ARMC3: variants seen among roughly 807,000 people sequenced by gnomAD.
The protein encoded by ARMC3 is armadillo repeat-containing protein 3.
Under a neutral mutation model 90.3 loss-of-function variants are expected in ARMC3, and 74 were observed. The observed-to-expected ratio is 0.82, with a 90% CI of 0.68 to 0.99. The LOEUF is 0.99. Ranked by LOEUF, ARMC3 falls within the 50% of genes least tolerant of loss-of-function variation. The probability of loss-of-function intolerance (pLI) is 0.00; values close to 1 mark genes in which losing one functional copy is unlikely to be tolerated. For synonymous variants in ARMC3, 334 were observed against 361.8 expected (o/e 0.92, Z 0.87); for missense variants, 958 against 1,042.8 (o/e 0.92, Z 1.12).
chr10:22,930,878 G>A (rs1023519102), intron 1 of ARMC3, among the ~76,000 whole-genome samples: 1 of 151,984 alleles, frequency 6.6e-6, no homozygotes, highest in Admixed American at 6.5e-5. Flanking sequence ...TCTCACTGAA[G>A]AAAACTAGAT....
At chr10:22,987,793 T>C (rs1011143703) in intron 10 of ARMC3, among the ~76,000 whole-genome samples, 3 of 152,218 alleles carry the variant, frequency 2.0e-5, no homozygotes, top group Non-Finnish European at 2.9e-5. Context: ...TTATTTTTTA[T>C]TTTTTGTACC....
chr10:22,982,346 C>G (rs1836231170), intron 10 of ARMC3, among the ~76,000 whole-genome samples: 1 of 152,194 alleles, frequency 6.6e-6, no homozygotes, highest in Admixed American at 6.5e-5. Context: ...CCATTGCACT[C>G]CAGCCTGGGT....
intron 10 of ARMC3, among the ~76,000 whole-genome samples, chr10:22,988,336 G>A (rs928535632): frequency 6.6e-5 from 10 of 152,126 alleles, no homozygotes; most frequent in Non-Finnish European, 1.3e-4. Context: ...AATCAGTGCT[G>A]CATTTACTCA....
chr10:23,005,129 C>T (rs1174384549), intron 13 of ARMC3, among the ~76,000 whole-genome samples: 2 of 144,034 alleles, frequency 1.4e-5, no homozygotes, highest in African/African-American at 2.6e-5. Flanking sequence ...AGGAGAATGG[C>T]GTGAACCCGG....
intron 10 of ARMC3, among the ~76,000 whole-genome samples, chr10:22,986,097 C>T (rs1453583586): frequency 6.7e-6 from 1 of 148,646 alleles, no homozygotes; most frequent in African/African-American, 2.5e-5. Context: ...ACCCCCACAC[C>T]CCTGCACTGC....
chr10:23,003,112 TTATC>T, intron 12 of ARMC3, 130 bp from the exon 13 acceptor site: 1 of 659,086 alleles, frequency 1.5e-6, no homozygotes. Flanking sequence ...CAGTATTACT[TTATC>T]TAAGAGGGTG....
intron 16 of ARMC3, among the ~76,000 whole-genome samples, chr10:23,028,824 C>T (rs925112306): frequency 6.6e-6 from 1 of 152,134 alleles, no homozygotes; most frequent in Non-Finnish European, 1.5e-5. Context: ...CATGTATGCA[C>T]AACTCAGGAT....
In ARMC3 at chr10:23,003,372, A is replaced by T; in HGVS notation, c.1689A>T (p.Ser563=). The part of the protein sequence containing the change: ...SLKYSQTGYL[S]SSNIINDGFY... The stretch of plus-strand genomic sequence containing the variant: ...AATACAGCCAGACTGGCTATTTGTC[A>T]TCAAGTAACATAATTAACGATGGAT... Residue 563 remains serine, a synonymous_variant, in exon 13 of 19, where the codon TCA becomes TCT. Transcript: ENST00000298032. 6.2e-7 allele frequency: 1 copy of T among 1,611,670 alleles called. No individual in the cohort carries two copies. Among genetic ancestry groups the T allele is most frequent in the Admixed American group, 1.7e-5 (1 of 59,716 alleles).
chr10:22,939,809 T>G (rs1177823924), intron 2 of ARMC3, among the ~76,000 whole-genome samples: 1 of 151,386 alleles, frequency 6.6e-6, no homozygotes, highest in African/African-American at 2.4e-5. Flanking sequence ...AATAAGCTAA[T>G]AGAGGAGGTA....
intron 16 of ARMC3, among the ~76,000 whole-genome samples, chr10:23,029,989 C>A (rs116625458): frequency 1.0e-3 from 159 of 152,228 alleles, no homozygotes; most frequent in African/African-American, 3.7e-3. Flanking sequence ...GAGAAGGCAA[C>A]CTAATTGTTT....
At chr10:22,959,292 T>G in intron 5 of ARMC3, 107 bp from the exon 6 acceptor site, 4 of 1,353,630 alleles carry the variant, frequency 3.0e-6, no homozygotes, top group Non-Finnish European at 4.1e-6. Flanking sequence ...GAGGTGAGCT[T>G]TAAGCAAGAT....
intron 16 of ARMC3, chr10:23,014,337 C>G (rs1214448325): frequency 2.2e-6 from 3 of 1,358,742 alleles, no homozygotes; most frequent in Non-Finnish European, 1.9e-6. Context: ...CTTCTCTCTT[C>G]CCTTCTTAGC....
At chr10:23,010,170 T>C (rs576498870) in intron 16 of ARMC3, among the ~76,000 whole-genome samples, 104 of 141,558 alleles carry the variant, frequency 7.3e-4, no homozygotes, top group African/African-American at 2.4e-3. Context: ...CCCCTTCTCT[T>C]CCCTTCTCTC....
chr10:22,966,998 G>C (rs1454551796), intron 7 of ARMC3, among the ~76,000 whole-genome samples: 1 of 151,854 alleles, frequency 6.6e-6, no homozygotes, highest in Non-Finnish European at 1.5e-5. Flanking sequence ...GTGTTTGGGG[G>C]CGGGGGTGGG....
At chr10:22,956,769 T>C (rs1168340092) in intron 4 of ARMC3, among the ~76,000 whole-genome samples, 1 of 148,210 alleles carries the variant, frequency 6.7e-6, no homozygotes, top group Non-Finnish European at 1.5e-5. Context: ...ACAATTAATA[T>C]CAATATATTA....
intron 16 of ARMC3, among the ~76,000 whole-genome samples, chr10:23,013,416 CA>C (rs1295045189): frequency 6.6e-6 from 1 of 152,060 alleles, no homozygotes; most frequent in Non-Finnish European, 1.5e-5. Context: ...ATTTTGTGCC[CA>C]TTTTTTTGTG....
rs12244692 is a variant in ARMC3 at position 23,014,643 on chromosome 10, C to G, written c.2045+5712C>G. 2.0e-5 allele frequency among the ~76,000 whole-genome samples: 3 copies of G among 152,010 alleles called. No homozygotes were observed. In the South Asian group the frequency reaches 6.2e-4, roughly 32 times the overall value. On this transcript the variant is annotated intron_variant, in intron 16 of 18. Transcript: ENST00000298032. ...CCACAAAAAAGAGTGAGATCATGTTCTTTGCAGAGACATGGATGGAGCTGG... is the reference window on the plus strand; with the variant it reads ...CCACAAAAAAGAGTGAGATCATGTTGTTTGCAGAGACATGGATGGAGCTGG...
intron 16 of ARMC3, among the ~76,000 whole-genome samples, chr10:23,027,077 G>T (rs763722750): frequency 7.9e-5 from 12 of 151,874 alleles, no homozygotes; most frequent in Non-Finnish European, 1.8e-4. Context: ...ATTTTTCTTT[G>T]TCAAGATTGA....
chr10:22,969,963 A>T (rs548339979), intron 8 of ARMC3, among the ~76,000 whole-genome samples: 2 of 152,246 alleles, frequency 1.3e-5, no homozygotes, highest in Non-Finnish European at 1.5e-5. Flanking sequence ...TACTAGTTCC[A>T]CTACTGGCAT....
Sources: gnomAD v4.1 joint callset for allele counts (sites outside exome capture counted in the v4.1 genomes callset) on GRCh38, gnomAD v4.1.1 for gene constraint, MANE v1.5 for transcripts, NCBI Gene and HGNC (gene_info 2026-07-23, HGNC 2026-07-21) for gene names.